Variants in GDAP1 observed in about 807,000 individuals in gnomAD.
The protein encoded by GDAP1 is ganglioside-induced differentiation-associated protein 1.
Under a neutral mutation model 40.1 loss-of-function variants are expected in GDAP1, and 34 were observed. That is an observed-to-expected ratio of 0.85 (90% CI 0.64 to 1.13). The LOEUF (loss-of-function observed/expected upper bound fraction) is 1.13. Among genes scored for constraint, GDAP1 ranks in the 50% most tolerant of loss-of-function variants. GDAP1 has a pLI of 0.00. For synonymous variants in GDAP1, 170 were observed against 157.4 expected (o/e 1.08, Z -0.60); for missense variants, 374 against 433.7 (o/e 0.86, Z 1.22).
chr8:74,421,082 T>G (rs893564356), intron 2 of GDAP1, among the ~76,000 whole-genome samples: 5 of 152,234 alleles, frequency 3.3e-5, no homozygotes, highest in East Asian at 3.9e-4. Context: ...TAGACAGATA[T>G]TGCTATTGTG....
chr8:74,356,238 C>G (rs1809086250), intron 2 of GDAP1, among the ~76,000 whole-genome samples: 1 of 152,006 alleles, frequency 6.6e-6, no homozygotes, highest in South Asian at 2.1e-4. Flanking sequence ...AGTAACTTTT[C>G]TTCTCTTTGT....
chr8:74,440,752 A>G (rs1192761606), intron 2 of GDAP1, among the ~76,000 whole-genome samples: 1 of 152,146 alleles, frequency 6.6e-6, no homozygotes, highest in East Asian at 1.9e-4. Flanking sequence ...TTAGAGTTCA[A>G]TAAAATTTTG....
At chr8:74,351,181 A>G in intron 1 of GDAP1, 93 bp from the exon 2 acceptor site, 17 of 976,808 alleles carry the variant, frequency 1.7e-5, no homozygotes, top group Non-Finnish European at 2.2e-5. Flanking sequence ...TCGGTAACAC[A>G]GGGAAGCCCA....
At chr8:74,421,440 G>A (rs1178656885) in intron 2 of GDAP1, among the ~76,000 whole-genome samples, 1 of 152,054 alleles carries the variant, frequency 6.6e-6, no homozygotes, top group Non-Finnish European at 1.5e-5. Flanking sequence ...TCCCACACAA[G>A]TATTTGGGAT....
At chr8:74,465,241 A>T (rs753894248) in intron 2 of GDAP1, among the ~76,000 whole-genome samples, 14 of 150,892 alleles carry the variant, frequency 9.3e-5, no homozygotes, top group Non-Finnish European at 1.3e-4. Flanking sequence ...AAATAAAAAT[A>T]AAAAAAAATA....
intron 2 of GDAP1, among the ~76,000 whole-genome samples, chr8:74,379,798 C>A (rs1047864475): frequency 6.6e-6 from 1 of 152,104 alleles, no homozygotes; most frequent in African/African-American, 2.4e-5. Flanking sequence ...ACTCTACTTG[C>A]CCAAGAATGA....
intron 2 of GDAP1, among the ~76,000 whole-genome samples, chr8:74,391,318 C>A (rs1259375335): frequency 1.3e-5 from 2 of 152,096 alleles, no homozygotes; most frequent in African/African-American, 4.8e-5. Flanking sequence ...GTGTAGGCAT[C>A]TGAGGGATTC....
intron 2 of GDAP1, among the ~76,000 whole-genome samples, chr8:74,481,156 A>G (rs1806705677): frequency 6.6e-6 from 1 of 152,264 alleles, no homozygotes; most frequent in African/African-American, 2.4e-5. Flanking sequence ...GCTAGTGGAC[A>G]TTGAAATCAG....
At chr8:74,408,549 A>G (rs914821244) in intron 2 of GDAP1, among the ~76,000 whole-genome samples, 10 of 150,156 alleles carry the variant, frequency 6.7e-5, no homozygotes, top group Admixed American at 2.0e-4. Context: ...GGCACCATCC[A>G]TGAGCCAGGA....
At chr8:74,416,934 T>C (rs1805790488) in intron 2 of GDAP1, among the ~76,000 whole-genome samples, 1 of 144,508 alleles carries the variant, frequency 6.9e-6, no homozygotes, top group Non-Finnish European at 1.5e-5. Context: ...TTTTTGTTTT[T>C]TTTTTTTTTA....
intron 2 of GDAP1, among the ~76,000 whole-genome samples, chr8:74,407,073 T>C (rs1805650156): frequency 6.7e-6 from 1 of 149,892 alleles, no homozygotes. Context: ...CACCCTTATG[T>C]TATGTAATTT....
intron 2 of GDAP1, among the ~76,000 whole-genome samples, chr8:74,480,857 C>T (rs535171569): frequency 3.0e-4 from 46 of 152,240 alleles, no homozygotes; most frequent in Non-Finnish European, 5.1e-4. Flanking sequence ...GACCTGTTCT[C>T]CTATATTTGT....
intron 2 of GDAP1, among the ~76,000 whole-genome samples, chr8:74,459,468 C>G (rs915360810): frequency 6.6e-6 from 1 of 152,124 alleles, no homozygotes; most frequent in Non-Finnish European, 1.5e-5. Context: ...AGTGTTTTGT[C>G]TGGGATTCTG....
intron 2 of GDAP1, among the ~76,000 whole-genome samples, chr8:74,355,432 A>G (rs1299100037): frequency 6.6e-6 from 1 of 152,236 alleles, no homozygotes. Context: ...CTTAACATAT[A>G]TACTTGCTAT....
intron 2 of GDAP1, among the ~76,000 whole-genome samples, chr8:74,428,646 T>TTTG (rs1805985122): frequency 1.6e-5 from 2 of 128,888 alleles, no homozygotes; most frequent in African/African-American, 5.9e-5. Context: ...TTTTTTTTTT[T>TTTG]TTTTTTTTTT....
intron 5 of GDAP1, among the ~76,000 whole-genome samples, 196 bp from the exon 6 acceptor site, chr8:74,363,789 A>G (rs911237638): frequency 1.3e-5 from 2 of 152,224 alleles, no homozygotes; most frequent in African/African-American, 4.8e-5. Context: ...CCTTTGGCCT[A>G]GGATACGTTT....
intron 2 of GDAP1, among the ~76,000 whole-genome samples, chr8:74,482,843 A>C (rs1309363831): frequency 6.6e-6 from 1 of 151,924 alleles, no homozygotes; most frequent in African/African-American, 2.4e-5. Context: ...TCCTTTCTAC[A>C]CTCTCTGTGA....
chr8:74,362,784 C>CTTTTTTTTTTTTT (rs1284434868), intron 4 of GDAP1, among the ~76,000 whole-genome samples, 155 bp from the exon 5 acceptor site: 14 of 60,444 alleles, frequency 2.3e-4, no homozygotes, highest in East Asian at 1.3e-3. Flanking sequence ...CTCTCTCTCT[C>CTTTTTTTTTTTTT]TTTTTTTTTT....
chr8:74,384,889 T>G (rs1444761698), intron 2 of GDAP1, among the ~76,000 whole-genome samples: 1 of 152,200 alleles, frequency 6.6e-6, no homozygotes, highest in Admixed American at 6.5e-5. Context: ...CAATACTGAC[T>G]TTACATGTTG....
Sources: allele counts gnomAD v4.1 joint callset (sites outside exome capture counted in the v4.1 genomes callset), GRCh38; gene constraint gnomAD v4.1.1; transcripts MANE v1.5; gene names NCBI Gene and HGNC (gene_info 2026-07-23, HGNC 2026-07-21).